CYP7B1: variants seen among roughly 807,000 people sequenced by gnomAD.
CYP7B1 encodes cytochrome P450 7B1.
In CYP7B1, 29 loss-of-function variants were observed where a neutral mutation model predicts 42.7. The observed-to-expected ratio is 0.68, with a 90% CI of 0.51 to 0.93. CYP7B1 has a LOEUF of 0.93. CYP7B1 is among the 40% of genes least tolerant of loss of function. The pLI is 0.00. For missense variants in CYP7B1, 655 were observed against 600.5 expected (o/e 1.09, Z -0.95); for synonymous variants, 235 against 218.2 (o/e 1.08, Z -0.68).
At chr8:64,712,702 A>T (rs1423353155) in intron 1 of CYP7B1, among the ~76,000 whole-genome samples, 1 of 150,978 alleles carries the variant, frequency 6.6e-6, no homozygotes, top group East Asian at 1.9e-4. Flanking sequence ...TTATATGTAT[A>T]CATATATACA....
chr8:64,593,681 A>G lies in CYP7B1; in HGVS notation c.*2961T>C, dbSNP rs891525904. ...TTTCAGAGATAAAAATCCAAGGAAC[A>G]TGGGCTCAGTAAACAAGCCATTCCT... On this transcript the variant is annotated 3_prime_UTR_variant, in exon 6 of 6. Coordinates refer to ENST00000310193, the MANE Select transcript of CYP7B1 (RefSeq NM_004820.5). Among the ~76,000 whole-genome samples, 1 of 152,190 alleles carries G rather than the reference A, an allele frequency of 6.6e-6. No individual in the cohort carries two copies. The highest frequency in any genetic ancestry group is 2.4e-5 in the African/African-American group (1 of 41,468).
rs1322316727 is a variant in CYP7B1, at chr8:64,607,413, A to AC, written c.1058-2557_1058-2556insG. ...GCTCTAGAATTAAAAAAAAAAAAAA[A>AC]AAACTTTCCATATACTTATAAATAT... On this transcript the variant is annotated intron_variant, in intron 4 of 5. Coordinates refer to ENST00000310193, the MANE Select transcript of CYP7B1 (RefSeq NM_004820.5). Among the ~76,000 whole-genome samples, 575 of 152,234 alleles carry AC rather than the reference A, an allele frequency of 3.8e-3. 4 individuals carry two copies. The highest frequency in any genetic ancestry group is 0.013 in the African/African-American group (537 of 41,544).
chr8:64,798,374 A>G (rs986668189), intron 1 of CYP7B1, 92 bp downstream of exon 1: 13 of 1,403,094 alleles, frequency 9.3e-6, no homozygotes, highest in Non-Finnish European at 1.2e-5. Flanking sequence ...TCTGCACTGG[A>G]AATCATGGAG....
At chr8:64,654,101 A>C (rs1437118954) in intron 1 of CYP7B1, among the ~76,000 whole-genome samples, 1 of 152,206 alleles carries the variant, frequency 6.6e-6, no homozygotes, top group African/African-American at 2.4e-5. Flanking sequence ...TTCCCCTTGA[A>C]AACCAGCACA....
At chr8:64,605,534 T>C (rs1380009230) in intron 4 of CYP7B1, among the ~76,000 whole-genome samples, 3 of 152,194 alleles carry the variant, frequency 2.0e-5, no homozygotes, top group Non-Finnish European at 4.4e-5. Context: ...CACCTTTTAC[T>C]CCTAGCACGA....
At chr8:64,709,946 A>G (rs1337561122) in intron 1 of CYP7B1, among the ~76,000 whole-genome samples, 1 of 152,092 alleles carries the variant, frequency 6.6e-6, no homozygotes, top group African/African-American at 2.4e-5. Context: ...GTCTGATTTC[A>G]TGACTGATTT....
intron 1 of CYP7B1, among the ~76,000 whole-genome samples, chr8:64,650,304 T>C (rs994254454): frequency 6.6e-6 from 1 of 152,184 alleles, no homozygotes; most frequent in Non-Finnish European, 1.5e-5. Context: ...ACTGCCTTAA[T>C]GTCCTAAAAA....
At chr8:64,667,889 T>G (rs1256179125) in intron 1 of CYP7B1, among the ~76,000 whole-genome samples, 1 of 152,270 alleles carries the variant, frequency 6.6e-6, no homozygotes, top group East Asian at 1.9e-4. Context: ...TTCTTGAGTG[T>G]TTTTGCAAAT....
intron 1 of CYP7B1, among the ~76,000 whole-genome samples, chr8:64,748,847 G>A (rs1383318438): frequency 6.6e-6 from 1 of 152,130 alleles, no homozygotes; most frequent in African/African-American, 2.4e-5. Flanking sequence ...GCCAGGCAGA[G>A]TGCTAGGCTC....
At chr8:64,659,574 G>A (rs1806171104) in intron 1 of CYP7B1, among the ~76,000 whole-genome samples, 1 of 152,086 alleles carries the variant, frequency 6.6e-6, no homozygotes, top group Admixed American at 6.5e-5. Flanking sequence ...TACTTAGATG[G>A]TTCCTAAGTT....
At chr8:64,692,749 G>C (rs1806767164) in intron 1 of CYP7B1, among the ~76,000 whole-genome samples, 1 of 151,938 alleles carries the variant, frequency 6.6e-6, no homozygotes, top group Non-Finnish European at 1.5e-5. Flanking sequence ...ATTTTTTCTT[G>C]CTACTGTCTA....
chr8:64,785,128 T>C (rs143284028), intron 1 of CYP7B1, among the ~76,000 whole-genome samples: 9 of 152,350 alleles, frequency 5.9e-5, no homozygotes, highest in African/African-American at 1.9e-4. Context: ...TTCTATGTTA[T>C]CAGGGAACTG....
intron 1 of CYP7B1, among the ~76,000 whole-genome samples, chr8:64,715,188 G>A (rs976057041): frequency 2.6e-5 from 4 of 152,164 alleles, no homozygotes; most frequent in African/African-American, 4.8e-5. Flanking sequence ...ATCTTACTAC[G>A]TAAATTGCCC....
intron 1 of CYP7B1, among the ~76,000 whole-genome samples, chr8:64,761,361 G>C (rs1190899704): frequency 6.6e-6 from 1 of 151,984 alleles, no homozygotes; most frequent in Non-Finnish European, 1.5e-5. Flanking sequence ...AATTGTTAAC[G>C]TGAACTGATG....
chr8:64,788,190 A>G (rs143088068), intron 1 of CYP7B1, among the ~76,000 whole-genome samples: 1 of 152,226 alleles, frequency 6.6e-6, no homozygotes, highest in Non-Finnish European at 1.5e-5. Context: ...GTTAACAATG[A>G]TGTATCAATA....
chr8:64,610,309 T>C (rs1378333329), intron 4 of CYP7B1, among the ~76,000 whole-genome samples: 1 of 152,172 alleles, frequency 6.6e-6, no homozygotes, highest in African/African-American at 2.4e-5. Context: ...ACTATTTACA[T>C]CCCTGAGTTT....
downstream of CYP7B1, among the ~76,000 whole-genome samples, chr8:64,590,738 TGAG>T (rs1768805217): frequency 6.6e-6 from 1 of 152,178 alleles, no homozygotes; most frequent in Non-Finnish European, 1.5e-5. Flanking sequence ...GAAATGGAGA[TGAG>T]GAGATATTCA....
chr8:64,756,417 A>T (rs1271847416), intron 1 of CYP7B1, among the ~76,000 whole-genome samples: 20 of 152,258 alleles, frequency 1.3e-4, no homozygotes, highest in Non-Finnish European at 1.8e-4. Context: ...ATTAAGGTAG[A>T]AATAAACATC....
chr8:64,596,798 T>G lies in CYP7B1; in HGVS notation c.1365A>C (p.Ala455=), dbSNP rs760079886. ...GTSKCPGRFF[A]LMEIKQLLVI... ...CCAACAATTGTTTTATTTCCATAAG[T>G]GCAAAAAATCGGCCTGGACATTTGC... is the stretch of plus-strand genomic sequence containing the variant. Residue 455 remains alanine, a synonymous_variant, in exon 6 of 6, where the codon GCA becomes GCC. Transcript: ENST00000310193. 1 of 1,614,124 alleles carries G rather than the reference T, an allele frequency of 6.2e-7. No individual in the cohort carries two copies. The highest frequency in any genetic ancestry group is 1.7e-5 in the Admixed American group (1 of 60,024).
Sources: allele counts gnomAD v4.1 joint callset (sites outside exome capture counted in the v4.1 genomes callset), GRCh38; gene constraint gnomAD v4.1.1; transcripts MANE v1.5; gene names NCBI Gene and HGNC (gene_info 2026-07-23, HGNC 2026-07-21).